The following RAPGEF2 variants were observed in gnomAD, a reference collection of about 807,000 sequenced individuals.
RAPGEF2 encodes PDZ domain containing guanine nucleotide exchange factor (GEF) 1.
A neutral mutation model predicts 186.7 loss-of-function variants in RAPGEF2; 54 were observed. The observed-to-expected ratio is 0.29, with a 90% CI of 0.23 to 0.36. The LOEUF is 0.36. Ranked by LOEUF, RAPGEF2 falls within the 10% of genes least tolerant of loss-of-function variation. The pLI, the probability that RAPGEF2 is intolerant of heterozygous loss-of-function variation, is 1.00. For synonymous variants in RAPGEF2, 712 were observed against 705.9 expected, an observed-to-expected ratio of 1.01 and a Z score of -0.14; for missense variants, 1,532 against 2,045.0, an observed-to-expected ratio of 0.75 and a Z score of 4.84.
chr4:159,348,279 G>A (rs929426533), intron 25 of RAPGEF2, among the ~76,000 whole-genome samples: 1 of 151,212 alleles, frequency 6.6e-6, no homozygotes, highest in Non-Finnish European at 1.5e-5. Flanking sequence ...TGGATGGATG[G>A]ATGGATAGAT....
At chr4:159,288,913 T>C (rs906268427) in intron 7 of RAPGEF2, among the ~76,000 whole-genome samples, 1 of 152,152 alleles carries the variant, frequency 6.6e-6, no homozygotes, top group African/African-American at 2.4e-5. Flanking sequence ...TATTCACCTC[T>C]CACTTCAGAT....
chr4:159,159,301 A>G (rs1255734308), intron 1 of RAPGEF2, among the ~76,000 whole-genome samples: 1 of 152,236 alleles, frequency 6.6e-6, no homozygotes, highest in Non-Finnish European at 1.5e-5. Context: ...ATATGGTTGG[A>G]CATCACTATT....
chr4:159,177,838 T>C (rs1169509344), intron 1 of RAPGEF2, among the ~76,000 whole-genome samples: 1 of 152,252 alleles, frequency 6.6e-6, no homozygotes, highest in Non-Finnish European at 1.5e-5. Flanking sequence ...AATTCATTGC[T>C]AGTGATCTTT....
chr4:159,190,710 G>T (rs931204416), intron 2 of RAPGEF2, among the ~76,000 whole-genome samples: 5 of 152,176 alleles, frequency 3.3e-5, no homozygotes, highest in Admixed American at 2.6e-4. Flanking sequence ...AGAAGAATGA[G>T]TGCCCAGCGA....
intron 1 of RAPGEF2, among the ~76,000 whole-genome samples, chr4:159,178,321 A>G (rs1018593111): frequency 5.3e-5 from 8 of 152,104 alleles, no homozygotes; most frequent in Non-Finnish European, 1.2e-4. Flanking sequence ...GAGGAGGTGG[A>G]GAAATATTAA....
At position 159,346,946 on chromosome 4, in the gene RAPGEF2, G is replaced by A. The variant is rs763122224; in HGVS notation, c.3660G>A (p.Val1220=). Residue 1220 remains valine, a synonymous_variant, in exon 25 of 30, where the codon GTG becomes GTA. Transcript: ENST00000691494. ...ACCAGGGACTACAGGTTCCCGCCGTGTCCCTTTATCCTTCACGGAAGAAAG... is the reference window on the plus strand; with the variant it reads ...ACCAGGGACTACAGGTTCCCGCCGTATCCCTTTATCCTTCACGGAAGAAAG... The part of the protein sequence containing the change: ...KINQGLQVPA[V]SLYPSRKKVP... 7.4e-6 allele frequency: 12 copies of A among 1,614,038 alleles called. No homozygotes were observed. Among genetic ancestry groups the A allele is most frequent in the Non-Finnish European group, 1.0e-5 (12 of 1,180,046 alleles).
intron 28 of RAPGEF2, among the ~76,000 whole-genome samples, chr4:159,355,376 A>T (rs1731816940): frequency 6.6e-6 from 1 of 152,148 alleles, no homozygotes; most frequent in Non-Finnish European, 1.5e-5. Context: ...GTGATGTAGA[A>T]TTGCTTCTCT....
At chr4:159,249,534 TAGATG>T (rs1755053901) in intron 7 of RAPGEF2, among the ~76,000 whole-genome samples, 1 of 151,956 alleles carries the variant, frequency 6.6e-6, no homozygotes, top group African/African-American at 2.4e-5. Context: ...ATGGAATATA[TAGATG>T]CTAGGTTTTA....
rs1766838641 is a variant in RAPGEF2 at position 159,332,590 on chromosome 4, T to C, written c.2028T>C (p.Leu676=). Residue 676 remains leucine (L), a synonymous_variant, in exon 17 of 30, where the codon CTT becomes CTC. Transcript: ENST00000691494. The part of the protein sequence containing the change: ...LAVDVEQVIG[L]EKVNKKSKAN... ...TAGATGTAGAACAGGTGATAGGACT[T>C]GAAAAAGTGAACAAAAAAAGTAAAG... 1 of 1,613,830 alleles carries C rather than the reference T, an allele frequency of 6.2e-7. No individual in the cohort carries two copies. The highest frequency in any genetic ancestry group is 2.2e-5 in the East Asian group (1 of 44,874).
intron 25 of RAPGEF2, among the ~76,000 whole-genome samples, chr4:159,348,057 C>T (rs1055452206): frequency 1.3e-5 from 2 of 152,004 alleles, no homozygotes; most frequent in African/African-American, 2.4e-5. Flanking sequence ...CCCATCTTTA[C>T]GAAAAATACA....
At chr4:159,193,914 A>G (rs1039992270) in intron 3 of RAPGEF2, among the ~76,000 whole-genome samples, 2 of 152,248 alleles carry the variant, frequency 1.3e-5, no homozygotes, top group African/African-American at 4.8e-5. Context: ...ATATTTATTC[A>G]AATAAATAAG....
intron 4 of RAPGEF2, among the ~76,000 whole-genome samples, chr4:159,212,209 G>C (rs867902176): frequency 1.3e-5 from 2 of 152,022 alleles, no homozygotes; most frequent in Middle Eastern, 3.2e-3. Context: ...TTCTGTTTTC[G>C]GCAGGAATGT....
chr4:159,163,643 TAATC>T lies in RAPGEF2; in HGVS notation c.70-22998_70-22995del, dbSNP rs147944086. ...AAGACATGTCAAGAAAATTTGGTGT[TAATC>T]TATTTAAATTTTTTGGTAAGCATAA... is the stretch of plus-strand genomic sequence containing the variant. On this transcript the variant is annotated intron_variant, in intron 1 of 29. Coordinates refer to ENST00000691494, the MANE Select transcript of RAPGEF2 (RefSeq NM_001394067.2). Among the ~76,000 whole-genome samples the T allele has an allele frequency of 3.2e-3, 482 of 152,346 alleles. 4 individuals carry two copies. Among genetic ancestry groups the T allele is most frequent in the African/African-American group, 0.011 (457 of 41,572 alleles).
At chr4:159,156,456 T>C (rs1744131299) in intron 1 of RAPGEF2, among the ~76,000 whole-genome samples, 1 of 152,220 alleles carries the variant, frequency 6.6e-6, no homozygotes, top group Non-Finnish European at 1.5e-5. Context: ...TATGTAATTT[T>C]TTTTTTAGCC....
intron 1 of RAPGEF2, among the ~76,000 whole-genome samples, chr4:159,145,523 C>T (rs190386156): frequency 7.2e-5 from 11 of 152,134 alleles, no homozygotes; most frequent in African/African-American, 2.6e-4. Context: ...TTACCAAAAA[C>T]ATTTGCCAAA....
intron 1 of RAPGEF2, among the ~76,000 whole-genome samples, chr4:159,109,460 G>A (rs1001923888): frequency 6.6e-6 from 1 of 152,208 alleles, no homozygotes; most frequent in Non-Finnish European, 1.5e-5. Context: ...TTCCTCGTCG[G>A]TAAAATGGAT....
At chr4:159,213,015 G>T (rs1304980596) in intron 4 of RAPGEF2, among the ~76,000 whole-genome samples, 1 of 152,324 alleles carries the variant, frequency 6.6e-6, no homozygotes, top group South Asian at 2.1e-4. Flanking sequence ...GATGACATAA[G>T]TTATTCTTTT....
intron 7 of RAPGEF2, among the ~76,000 whole-genome samples, chr4:159,250,124 T>G (rs191853734): frequency 7.2e-4 from 109 of 152,308 alleles, no homozygotes; most frequent in Middle Eastern, 3.4e-3. Context: ...AGCAGTTTCT[T>G]ATGGACTCAG....
intron 7 of RAPGEF2, among the ~76,000 whole-genome samples, chr4:159,285,818 T>C (rs1043118576): frequency 6.6e-6 from 1 of 152,190 alleles, no homozygotes; most frequent in Admixed American, 6.5e-5. Flanking sequence ...TTGATCATCA[T>C]TGTTGTACTT....
Sources: allele counts gnomAD v4.1 joint callset (sites outside exome capture counted in the v4.1 genomes callset), GRCh38; gene constraint gnomAD v4.1.1; transcripts MANE v1.5; gene names NCBI Gene and HGNC (gene_info 2026-07-23, HGNC 2026-07-21).